LMF1: variants seen among roughly 807,000 people sequenced by gnomAD.
LMF1 encodes lipase maturation factor 1, also known as transmembrane protein 112.
A neutral mutation model predicts 60.6 loss-of-function variants in LMF1; 68 were observed. That is an observed-to-expected ratio of 1.12 (90% CI 0.92 to 1.37). The LOEUF is 1.37. Ranked by LOEUF, LMF1 falls within the 40% of genes most tolerant of loss-of-function variation. The probability of loss-of-function intolerance (pLI) is 0.00; values close to 1 mark genes in which losing one functional copy is unlikely to be tolerated. For synonymous variants in LMF1, 418 were observed against 324.7 expected (o/e 1.29, Z -3.09); for missense variants, 948 against 767.2 (o/e 1.24, Z -2.78).
intron 4 of LMF1, chr16:903,923 C>A (rs1596958965): frequency 3.2e-5 from 5 of 155,294 alleles, no homozygotes; most frequent in South Asian, 1.1e-4. Flanking sequence ...GTGGTGGTGA[C>A]CTCTGCACTG....
intron 5 of LMF1, among the ~76,000 whole-genome samples, chr16:880,435 G>A (rs2070128809): frequency 6.6e-6 from 1 of 152,216 alleles, no homozygotes; most frequent in African/African-American, 2.4e-5. Context: ...ACTTTGGGAG[G>A]CCAAGGCAGG....
chr16:954,098 G>A, intron 2 of LMF1: 1 of 588,590 alleles, frequency 1.7e-6, no homozygotes, highest in South Asian at 1.6e-5. Flanking sequence ...CCATCCCTCT[G>A]GCTCCAGTAA....
At chr16:903,020 T>C (rs1288216910) in intron 4 of LMF1, among the ~76,000 whole-genome samples, 12 of 59,030 alleles carry the variant, frequency 2.0e-4, no homozygotes, top group South Asian at 8.1e-4. Flanking sequence ...TGGGGACGCC[T>C]GTCTCTGCTG....
At chr16:919,885 C>T (rs73499209) in intron 3 of LMF1, among the ~76,000 whole-genome samples, 10,407 of 152,180 alleles carry the variant, frequency 0.068, 398 homozygotes, top group Non-Finnish European at 0.089. Flanking sequence ...GCCCCGGGAC[C>T]CCCTTCCTCC....
intron 3 of LMF1, among the ~76,000 whole-genome samples, chr16:923,062 T>C (rs1240396361): frequency 2.9e-5 from 4 of 137,964 alleles, no homozygotes; most frequent in African/African-American, 1.1e-4. Context: ...TCGGGTGTGA[T>C]GTGGTGTTGG....
At chr16:885,834 C>T (rs572069558) in intron 5 of LMF1, among the ~76,000 whole-genome samples, 6 of 152,226 alleles carry the variant, frequency 3.9e-5, no homozygotes, top group South Asian at 2.1e-4. Context: ...AAAATGAGGA[C>T]GTACAGAAGA....
At chr16:923,220 C>G (rs1185284994) in intron 3 of LMF1, among the ~76,000 whole-genome samples, 1 of 152,186 alleles carries the variant, frequency 6.6e-6, no homozygotes, top group African/African-American at 2.4e-5. Context: ...GGATCTGCGT[C>G]ATGGCAAAAC....
chr16:876,230 C>T (rs928535557), intron 6 of LMF1, among the ~76,000 whole-genome samples: 17 of 152,360 alleles, frequency 1.1e-4, no homozygotes, highest in African/African-American at 2.9e-4. Flanking sequence ...CAGGAGCCCA[C>T]GCGCGGCCGC....
At chr16:952,282 C>G (rs910073152) in intron 2 of LMF1, among the ~76,000 whole-genome samples, 10 of 150,678 alleles carry the variant, frequency 6.6e-5, no homozygotes, top group Admixed American at 1.3e-4. Flanking sequence ...TACAAGTGCC[C>G]ACTCCAGCAC....
chr16:902,095 T>A (rs1203525500), intron 4 of LMF1: 2 of 152,216 alleles, frequency 1.3e-5, no homozygotes, highest in Non-Finnish European at 2.9e-5. Flanking sequence ...AGCTATCCTG[T>A]GCATGGCACG....
intron 1 of LMF1, 77 bp from the exon 2 acceptor site, chr16:954,743 C>A: frequency 2.9e-6 from 4 of 1,394,722 alleles, no homozygotes; most frequent in Non-Finnish European, 3.9e-6. Context: ...GCTCAGAATG[C>A]GGGGCGAGGC....
chr16:910,437 G>A (rs2071078834), intron 4 of LMF1, among the ~76,000 whole-genome samples: 2 of 152,172 alleles, frequency 1.3e-5, no homozygotes, highest in African/African-American at 4.8e-5. Context: ...GAGGAAGGAC[G>A]CAGCCAAGAG....
At chr16:860,371 G>C (rs1348718480) in intron 10 of LMF1, among the ~76,000 whole-genome samples, 1 of 148,032 alleles carries the variant, frequency 6.8e-6, no homozygotes, top group Non-Finnish European at 1.5e-5. Context: ...ATGGGCTCTC[G>C]CTCTGTTGCC....
At chr16:970,729 G>A (rs902032820) in intron 1 of LMF1, 59 bp downstream of exon 1, 10 of 1,436,982 alleles carry the variant, frequency 7.0e-6, no homozygotes, top group East Asian at 2.8e-5. Context: ...GAGGGAGGGC[G>A]GGGGTCGTGG....
At chr16:965,240 A>T (rs1358413635) in intron 1 of LMF1, among the ~76,000 whole-genome samples, 1 of 152,142 alleles carries the variant, frequency 6.6e-6, no homozygotes, top group Non-Finnish European at 1.5e-5. Context: ...CTTCATGGAG[A>T]GACTTTCCCA....
intron 3 of LMF1, among the ~76,000 whole-genome samples, chr16:920,865 G>A (rs1000550199): frequency 1.3e-5 from 2 of 152,186 alleles, no homozygotes; most frequent in African/African-American, 2.4e-5. Context: ...GGAGCCAGGC[G>A]CGGATCCTTC....
intron 10 of LMF1, among the ~76,000 whole-genome samples, chr16:865,246 C>T (rs576791553): frequency 7.9e-5 from 12 of 152,348 alleles, no homozygotes; most frequent in African/African-American, 2.9e-4. Flanking sequence ...TTAACTACTT[C>T]CTCTACATAA....
chr16:955,016 A>G (rs865832535), intron 1 of LMF1, among the ~76,000 whole-genome samples: 52 of 136,924 alleles, frequency 3.8e-4, no homozygotes, highest in Non-Finnish European at 5.4e-4. Flanking sequence ...TGCCTGCAGC[A>G]GATGCGGTGT....
chr16:959,718 G>A lies in LMF1; in HGVS notation c.194-5052C>T, dbSNP rs79133743. On this transcript the variant is annotated intron_variant, in intron 1 of 10. Coordinates refer to ENST00000262301, the MANE Select transcript of LMF1 (RefSeq NM_022773.4). ...GCTGCACTCCAGGGCTTTCCCCCCC[G>A]GGCCTGGGTGGACAATTCTCGCACG... 5.4e-3 allele frequency among the ~76,000 whole-genome samples: 819 copies of A among 152,290 alleles called. 8 individuals carry two copies. Among genetic ancestry groups the A allele is most frequent in the African/African-American group, 0.018 (762 of 41,540 alleles).
Sources: allele counts gnomAD v4.1 joint callset (sites outside exome capture counted in the v4.1 genomes callset), GRCh38; gene constraint gnomAD v4.1.1; transcripts MANE v1.5; gene names NCBI Gene and HGNC (gene_info 2026-07-23, HGNC 2026-07-21).